LHFPL3: variants seen among roughly 807,000 people sequenced by gnomAD.
LHFPL3 encodes LHFPL tetraspan subfamily member 3.
Under a neutral mutation model 19.3 loss-of-function variants are expected in LHFPL3, and 5 were observed. The observed-to-expected ratio is 0.26, with a 90% CI of 0.14 to 0.54. The LOEUF (loss-of-function observed/expected upper bound fraction) is 0.54. Among genes scored for constraint, LHFPL3 ranks in the 20% least tolerant of loss-of-function variants. The probability of loss-of-function intolerance (pLI) is 0.94; values close to 1 mark genes in which losing one functional copy is unlikely to be tolerated. For synonymous variants in LHFPL3, 133 were observed against 126.2 expected (o/e 1.05, Z -0.36); for missense variants, 249 against 307.4 (o/e 0.81, Z 1.42).
intron 1 of LHFPL3, among the ~76,000 whole-genome samples, chr7:104,563,454 A>T (rs1037742644): frequency 6.6e-6 from 1 of 152,304 alleles, no homozygotes; most frequent in Non-Finnish European, 1.5e-5. Context: ...TCCAGGTGCC[A>T]TCCGTCACCC....
rs1025241289 is a variant in LHFPL3, at chr7:104,503,239, G to A, written c.445+174015G>A. Reference sequence around the variant, plus strand: ...CACATATAATTTTAAGTATAAAGCAGGTTAAAAAGCAGAATGAACAATGCT... The same window carrying A: ...CACATATAATTTTAAGTATAAAGCAAGTTAAAAAGCAGAATGAACAATGCT... On this transcript the variant is annotated intron_variant, in intron 1 of 2. Transcript: ENST00000424859. 2.6e-5 allele frequency among the ~76,000 whole-genome samples: 4 copies of A among 152,156 alleles called. No individual in the cohort carries two copies. In the East Asian group the frequency reaches 5.8e-4, roughly 22 times the overall value.
At chr7:104,515,813 C>T (rs1319891670) in intron 1 of LHFPL3, among the ~76,000 whole-genome samples, 1 of 152,026 alleles carries the variant, frequency 6.6e-6, no homozygotes, top group Non-Finnish European at 1.5e-5. Context: ...AATACTGAGG[C>T]AATTTAAGTT....
At chr7:104,788,240 A>G (rs1371460254) in intron 2 of LHFPL3, among the ~76,000 whole-genome samples, 1 of 152,206 alleles carries the variant, frequency 6.6e-6, no homozygotes, top group African/African-American at 2.4e-5. Context: ...AACAGAACAG[A>G]ATCACCTGCA....
At chr7:104,586,139 A>C (rs1049296313) in intron 1 of LHFPL3, among the ~76,000 whole-genome samples, 8 of 152,182 alleles carry the variant, frequency 5.3e-5, no homozygotes, top group African/African-American at 1.9e-4. Flanking sequence ...CCATGAAAAT[A>C]AAATTCACTT....
intron 2 of LHFPL3, among the ~76,000 whole-genome samples, chr7:104,883,835 G>A (rs975333056): frequency 2.0e-5 from 3 of 152,316 alleles, no homozygotes; most frequent in South Asian, 2.1e-4. Flanking sequence ...CCGCACACCA[G>A]GTTAGCAGCC....
chr7:104,668,575 C>A, intron 1 of LHFPL3: 1 of 1,612,842 alleles, frequency 6.2e-7, no homozygotes, highest in South Asian at 1.1e-5. Context: ...GGCAGAAGAG[C>A]ATTTGGCAGT....
intron 1 of LHFPL3, among the ~76,000 whole-genome samples, chr7:104,517,195 T>G (rs559959372): frequency 6.6e-6 from 1 of 152,184 alleles, no homozygotes; most frequent in African/African-American, 2.4e-5. Flanking sequence ...TAATGGATAC[T>G]AGGCTTAATA....
chr7:104,457,421 C>T (rs886145970), intron 1 of LHFPL3, among the ~76,000 whole-genome samples: 3 of 152,114 alleles, frequency 2.0e-5, no homozygotes, highest in Non-Finnish European at 4.4e-5. Context: ...CAATTTCATC[C>T]ATGTCCCTAC....
chr7:104,770,659 T>C (rs79433356), intron 2 of LHFPL3, among the ~76,000 whole-genome samples: 4 of 152,154 alleles, frequency 2.6e-5, no homozygotes, highest in Non-Finnish European at 4.4e-5. Context: ...ACACCCATTG[T>C]GGACATCAGT....
intron 1 of LHFPL3, among the ~76,000 whole-genome samples, chr7:104,589,551 A>G (rs917142417): frequency 5.9e-5 from 9 of 152,306 alleles, no homozygotes; most frequent in African/African-American, 2.2e-4. Context: ...GATGTTCATC[A>G]GGGATATTGG....
intron 1 of LHFPL3, among the ~76,000 whole-genome samples, chr7:104,330,310 G>GA (rs1307245842): frequency 1.4e-4 from 21 of 152,296 alleles, no homozygotes; most frequent in African/African-American, 4.8e-4. Context: ...TCTGGTTGTA[G>GA]AAGGGCACTG....
intron 1 of LHFPL3, among the ~76,000 whole-genome samples, chr7:104,331,911 G>A (rs1801573579): frequency 6.6e-6 from 1 of 151,398 alleles, no homozygotes; most frequent in South Asian, 2.1e-4. Context: ...GATTGCACCA[G>A]TGCACTCTAG....
At chr7:104,614,014 T>C (rs1323532508) in intron 1 of LHFPL3, among the ~76,000 whole-genome samples, 1 of 152,154 alleles carries the variant, frequency 6.6e-6, no homozygotes, top group Non-Finnish European at 1.5e-5. Context: ...TGATCATATT[T>C]CAAAGAATTG....
At chr7:104,725,582 C>T (rs934828252) in intron 1 of LHFPL3, among the ~76,000 whole-genome samples, 21 of 152,052 alleles carry the variant, frequency 1.4e-4, no homozygotes, top group Non-Finnish European at 2.8e-4. Context: ...ATTCAAAGAT[C>T]TTCTGCATCC....
chr7:104,735,048 C>G (rs1222890710), intron 1 of LHFPL3, among the ~76,000 whole-genome samples: 5 of 152,302 alleles, frequency 3.3e-5, no homozygotes, highest in East Asian at 3.9e-4. Flanking sequence ...TGGTGAAAAG[C>G]AAATGTTGCT....
intron 1 of LHFPL3, among the ~76,000 whole-genome samples, chr7:104,365,802 A>AAAG (rs1562876014): frequency 6.8e-6 from 1 of 146,108 alleles, no homozygotes; most frequent in African/African-American, 2.5e-5. Context: ...AAAAAAAAAA[A>AAAG]AAAGAAAAGC....
intron 1 of LHFPL3, among the ~76,000 whole-genome samples, chr7:104,493,659 T>G (rs1177188458): frequency 6.6e-6 from 1 of 152,156 alleles, no homozygotes; most frequent in Admixed American, 6.6e-5. Flanking sequence ...CTTCCCAATG[T>G]CAATTAATTT....
chr7:104,785,600 C>A (rs940198082), intron 2 of LHFPL3: 2 of 152,172 alleles, frequency 1.3e-5, no homozygotes, highest in East Asian at 1.9e-4. Context: ...TTAATATTGC[C>A]CTAAGTATTC....
chr7:104,538,321 C>T (rs549182053), intron 1 of LHFPL3, among the ~76,000 whole-genome samples: 1 of 152,256 alleles, frequency 6.6e-6, no homozygotes, highest in Non-Finnish European at 1.5e-5. Flanking sequence ...AATACACTGA[C>T]ACTTAGGGAT....
Sources: gnomAD v4.1 joint callset for allele counts (sites outside exome capture counted in the v4.1 genomes callset) on GRCh38, gnomAD v4.1.1 for gene constraint, MANE v1.5 for transcripts, NCBI Gene and HGNC (gene_info 2026-07-23, HGNC 2026-07-21) for gene names.